MRTFB: variants seen among roughly 807,000 people sequenced by gnomAD.
The protein encoded by MRTFB is myocardin related transcription factor B, also known as myocardin-related transcription factor B.
Under a neutral mutation model 104.2 loss-of-function variants are expected in MRTFB, and 29 were observed. The observed-to-expected ratio is 0.28, with a 90% CI of 0.21 to 0.38. The LOEUF (loss-of-function observed/expected upper bound fraction) is 0.38. MRTFB is among the 10% of genes least tolerant of loss of function. The probability of loss-of-function intolerance (pLI) is 1.00; values close to 1 mark genes in which losing one functional copy is unlikely to be tolerated. For synonymous variants in MRTFB, 535 were observed against 519.5 expected (o/e 1.03, Z -0.41); for missense variants, 1,270 against 1,341.6 (o/e 0.95, Z 0.83).
At chr16:14,041,159 G>A in the MRTFB span, among the ~76,000 whole-genome samples, 1 of 151,876 alleles carries the variant, frequency 6.6e-6, no homozygotes, top group Non-Finnish European at 1.5e-5. Flanking sequence ...TGGGGGGCGG[G>A]GAGAGGAGGG....
At chr16:14,250,557 C>G (rs1312012788) in intron 13 of MRTFB, among the ~76,000 whole-genome samples, 1 of 152,148 alleles carries the variant, frequency 6.6e-6, no homozygotes, top group Non-Finnish European at 1.5e-5. Flanking sequence ...AAGACATTTT[C>G]AAGAAACTGG....
At chr16:13,996,708 C>T in the MRTFB span, among the ~76,000 whole-genome samples, 2 of 152,108 alleles carry the variant, frequency 1.3e-5, no homozygotes, top group Admixed American at 1.3e-4. Flanking sequence ...GGTCAAGGGG[C>T]CATGTGAGAG....
intron 2 of MRTFB, among the ~76,000 whole-genome samples, chr16:14,107,484 A>G (rs1365268432): frequency 6.6e-6 from 1 of 152,154 alleles, no homozygotes; most frequent in Non-Finnish European, 1.5e-5. Context: ...ATTTCCAGAC[A>G]ATAGTTTTGG....
intron 2 of MRTFB, among the ~76,000 whole-genome samples, chr16:14,116,927 C>T (rs1016721977): frequency 5.9e-5 from 9 of 152,064 alleles, no homozygotes; most frequent in Admixed American, 2.0e-4. Flanking sequence ...CATGGGTCAC[C>T]TTATACATAT....
intron 3 of MRTFB, chr16:14,200,421 C>G (rs959638549): frequency 1.5e-4 from 249 of 1,608,364 alleles, no homozygotes; most frequent in Non-Finnish European, 2.0e-4. Context: ...GAAGAGGAGA[C>G]GACTAATAGA....
the MRTFB span, among the ~76,000 whole-genome samples, chr16:14,054,563 TC>T: frequency 6.6e-6 from 1 of 152,206 alleles, no homozygotes; most frequent in Non-Finnish European, 1.5e-5. Context: ...CTTCAGGAAT[TC>T]CTTTCCTGGC....
intron 2 of MRTFB, among the ~76,000 whole-genome samples, chr16:14,113,366 C>T (rs1470513492): frequency 6.6e-6 from 1 of 152,128 alleles, no homozygotes; most frequent in East Asian, 1.9e-4. Context: ...TTTTTAATTG[C>T]TTTTCCCTAC....
chr16:14,185,618 G>C (rs1268042835), intron 3 of MRTFB, among the ~76,000 whole-genome samples: 2 of 151,554 alleles, frequency 1.3e-5, no homozygotes, highest in Non-Finnish European at 2.9e-5. Flanking sequence ...ACTCAACCAT[G>C]CTACAGATGT....
chr16:14,135,519 A>T (rs76459076), intron 2 of MRTFB, among the ~76,000 whole-genome samples: 1 of 152,166 alleles, frequency 6.6e-6, no homozygotes, highest in Non-Finnish European at 1.5e-5. Context: ...AGACTGTACC[A>T]TCTAGGGTTG....
At chr16:14,204,777 T>C (rs1053551138) in intron 3 of MRTFB, among the ~76,000 whole-genome samples, 4 of 152,212 alleles carry the variant, frequency 2.6e-5, no homozygotes, top group Non-Finnish European at 5.9e-5. Flanking sequence ...TCTGCTACAA[T>C]TGCAAAAGAC....
At chr16:14,238,322 T>TG (rs1555457485) in intron 9 of MRTFB, among the ~76,000 whole-genome samples, 1 of 151,916 alleles carries the variant, frequency 6.6e-6, no homozygotes, top group East Asian at 1.9e-4. Context: ...CAGGTGTCTA[T>TG]GACAAAGGGG....
At chr16:14,222,484 A>AAAAC (rs2041777069) in intron 8 of MRTFB, among the ~76,000 whole-genome samples, 1 of 151,970 alleles carries the variant, frequency 6.6e-6, no homozygotes, top group African/African-American at 2.4e-5. Context: ...TATTTGGCCC[A>AAAAC]AAACAATTCT....
intron 10 of MRTFB, among the ~76,000 whole-genome samples, chr16:14,244,069 G>A (rs1480200668): frequency 1.3e-5 from 2 of 151,874 alleles, no homozygotes; most frequent in Non-Finnish European, 2.9e-5. Flanking sequence ...AAGTAGAGAC[G>A]GGGTTTCACC....
rs2043827256 is a variant in MRTFB at position 14,263,027 on chromosome 16, G to T, written c.*1583G>T. ...AGAGCTGATCTTATTTCTGATTTGT[G>T]TGTGTGTGGTTTATAAATTTTACTA... On this transcript the variant is annotated 3_prime_UTR_variant, in exon 17 of 17. Transcript: ENST00000571589. 1 of 152,484 alleles carries T rather than the reference G, an allele frequency of 6.6e-6. No individual in the cohort carries two copies. The highest frequency in any genetic ancestry group is 2.4e-5 in the African/African-American group (1 of 41,456). 9.4% of individuals were successfully genotyped at this position (152,484 alleles called of 1,614,324 possible). A position where few individuals can be genotyped will look rare whatever the true frequency, so the allele number is the denominator to read the frequency against.
upstream of MRTFB, among the ~76,000 whole-genome samples, chr16:14,071,107 G>A (rs1457512198): frequency 1.3e-5 from 2 of 152,178 alleles, no homozygotes; most frequent in Non-Finnish European, 2.9e-5. Flanking sequence ...AGAAGGAGGC[G>A]GCCGCCTCGC....
At chr16:14,020,792 A>G in the MRTFB span, 1 of 152,222 alleles carries the variant, frequency 6.6e-6, no homozygotes, top group Non-Finnish European at 1.5e-5. Context: ...TCTGTCTCCT[A>G]TCTGGAGCTT....
chr16:14,128,080 G>A (rs1003062955), intron 2 of MRTFB, among the ~76,000 whole-genome samples: 6 of 151,620 alleles, frequency 4.0e-5, no homozygotes, highest in Admixed American at 6.6e-5. Flanking sequence ...CAAGGCTGCC[G>A]AGCAAGGAGA....
intron 15 of MRTFB, among the ~76,000 whole-genome samples, chr16:14,255,810 TA>T (rs796096462): frequency 0.027 from 3,944 of 148,136 alleles, 177 homozygotes; most frequent in African/African-American, 0.091. Flanking sequence ...AGATAGCTTT[TA>T]AAAAAAAAAA....
At chr16:14,080,881 C>T (rs2034357850) in intron 2 of MRTFB, among the ~76,000 whole-genome samples, 1 of 152,094 alleles carries the variant, frequency 6.6e-6, no homozygotes, top group South Asian at 2.1e-4. Flanking sequence ...GTATATATAC[C>T]ACATTTTCGT....
Sources: allele counts gnomAD v4.1 joint callset (sites outside exome capture counted in the v4.1 genomes callset), GRCh38; gene constraint gnomAD v4.1.1; transcripts MANE v1.5; gene names NCBI Gene and HGNC (gene_info 2026-07-23, HGNC 2026-07-21).